The following KCNQ3 variants were observed in gnomAD, a reference collection of about 807,000 sequenced individuals.
The protein encoded by KCNQ3 is potassium voltage-gated channel subfamily Q member 3.
A neutral mutation model predicts 92.5 loss-of-function variants in KCNQ3; 30 were observed. The ratio of observed to expected loss-of-function variants is 0.32; its 90% confidence interval spans 0.24 to 0.44. The LOEUF (loss-of-function observed/expected upper bound fraction) is 0.44, where lower values mean the gene tolerates loss of function less well. Ranked by LOEUF, KCNQ3 falls within the 20% of genes least tolerant of loss-of-function variation. The probability of loss-of-function intolerance (pLI) is 1.00; values close to 1 mark genes in which losing one functional copy is unlikely to be tolerated. For missense variants in KCNQ3, 913 were observed against 1,140.3 expected, an observed-to-expected ratio of 0.80 and a Z score of 2.87; for synonymous variants, 450 against 468.8, an observed-to-expected ratio of 0.96 and a Z score of 0.52.
chr8:132,413,436 T>C (rs1457546475), intron 1 of KCNQ3, among the ~76,000 whole-genome samples: 1 of 152,218 alleles, frequency 6.6e-6, no homozygotes, highest in Non-Finnish European at 1.5e-5. Context: ...TAAGTCGCCT[T>C]TCAGTCAGCA....
intron 1 of KCNQ3, among the ~76,000 whole-genome samples, chr8:132,221,864 C>T (rs1033038921): frequency 7.9e-5 from 12 of 152,006 alleles, no homozygotes; most frequent in East Asian, 1.9e-4. Flanking sequence ...GCTAGCCATA[C>T]GTAGAAAACT....
At chr8:132,258,540 T>C (rs1815667187) in intron 1 of KCNQ3, among the ~76,000 whole-genome samples, 1 of 151,962 alleles carries the variant, frequency 6.6e-6, no homozygotes, top group Non-Finnish European at 1.5e-5. Flanking sequence ...CAGTTGTAAA[T>C]GTCTATATTC....
chr8:132,314,020 C>G (rs895896360), intron 1 of KCNQ3, among the ~76,000 whole-genome samples: 5 of 152,102 alleles, frequency 3.3e-5, no homozygotes, highest in African/African-American at 1.2e-4. Context: ...ATAGTAAGCA[C>G]AGAGTCAGGT....
chr8:132,408,147 G>A (rs746316047), intron 1 of KCNQ3, among the ~76,000 whole-genome samples: 4 of 151,010 alleles, frequency 2.6e-5, no homozygotes, highest in Non-Finnish European at 4.4e-5. Flanking sequence ...TATAAATGTC[G>A]GGTAACATCG....
At chr8:132,447,069 C>T (rs907032575) in intron 1 of KCNQ3, 1 of 754,622 alleles carries the variant, frequency 1.3e-6, no homozygotes, top group Non-Finnish European at 2.2e-6. Context: ...TCTGGGAACC[C>T]AGGGTGAGTC....
intron 1 of KCNQ3, among the ~76,000 whole-genome samples, chr8:132,370,907 T>A (rs1373851355): frequency 6.6e-6 from 1 of 152,036 alleles, no homozygotes; most frequent in African/African-American, 2.4e-5. Flanking sequence ...ATTTTACAGA[T>A]CAGGAAACTG....
intron 9 of KCNQ3, among the ~76,000 whole-genome samples, chr8:132,147,957 C>T (rs1825504667): frequency 6.6e-6 from 1 of 152,164 alleles, no homozygotes; most frequent in Non-Finnish European, 1.5e-5. Flanking sequence ...CTTCCTAACA[C>T]ATGGTCTATC....
At chr8:132,344,962 G>C (rs1265541540) in intron 1 of KCNQ3, among the ~76,000 whole-genome samples, 1 of 152,152 alleles carries the variant, frequency 6.6e-6, no homozygotes, top group Non-Finnish European at 1.5e-5. Flanking sequence ...AGCTGAGATA[G>C]AGTGACCAGT....
At chr8:132,216,276 C>T (rs1168979371) in intron 1 of KCNQ3, among the ~76,000 whole-genome samples, 1 of 152,182 alleles carries the variant, frequency 6.6e-6, no homozygotes, top group Non-Finnish European at 1.5e-5. Flanking sequence ...CAAACCTCAG[C>T]GAAATGTGCT....
intron 1 of KCNQ3, among the ~76,000 whole-genome samples, chr8:132,426,636 A>G (rs1337215696): frequency 1.3e-5 from 2 of 152,324 alleles, no homozygotes; most frequent in South Asian, 4.1e-4. Flanking sequence ...TCCCTCACCA[A>G]TGGAATGATT....
intron 1 of KCNQ3, among the ~76,000 whole-genome samples, chr8:132,203,700 TTG>T (rs1827531988): frequency 1.3e-5 from 2 of 152,208 alleles, no homozygotes. Context: ...CTCCAATCCC[TTG>T]TGTTTATTAT....
chr8:132,290,823 C>T (rs1816815991), intron 1 of KCNQ3, among the ~76,000 whole-genome samples: 1 of 152,160 alleles, frequency 6.6e-6, no homozygotes, highest in African/African-American at 2.4e-5. Flanking sequence ...AGCAGACACA[C>T]TACTGTGAGA....
intron 1 of KCNQ3, among the ~76,000 whole-genome samples, chr8:132,331,427 C>G (rs1043545412): frequency 1.3e-5 from 2 of 152,158 alleles, no homozygotes; most frequent in Admixed American, 6.5e-5. Flanking sequence ...TCAGGGGTGC[C>G]CTCATATGGC....
chr8:132,233,752 A>G (rs930962645), intron 1 of KCNQ3, among the ~76,000 whole-genome samples: 1 of 152,242 alleles, frequency 6.6e-6, no homozygotes, highest in Admixed American at 6.5e-5. Context: ...CAGTTAGAGG[A>G]CATAGAAAAA....
intron 1 of KCNQ3, among the ~76,000 whole-genome samples, chr8:132,378,727 T>C (rs1351402590): frequency 1.3e-5 from 2 of 152,232 alleles, no homozygotes; most frequent in Non-Finnish European, 2.9e-5. Context: ...GTCTCACTCG[T>C]TCCATTCTTA....
At chr8:132,399,080 T>C (rs2130781573) in intron 1 of KCNQ3, among the ~76,000 whole-genome samples, 1 of 152,308 alleles carries the variant, frequency 6.6e-6, no homozygotes, top group South Asian at 2.1e-4. Flanking sequence ...CTCCAGACCT[T>C]CATCCCAGAA....
intron 1 of KCNQ3, among the ~76,000 whole-genome samples, chr8:132,420,870 CG>C (rs1820947493): frequency 6.6e-6 from 1 of 152,050 alleles, no homozygotes; most frequent in Admixed American, 6.6e-5. Flanking sequence ...TCCTCGACCT[CG>C]GTCACTCCAG....
intron 11 of KCNQ3, among the ~76,000 whole-genome samples, chr8:132,139,677 A>C (rs1825221000): frequency 6.6e-6 from 1 of 152,240 alleles, no homozygotes; most frequent in Admixed American, 6.5e-5. Context: ...CGAACTAATT[A>C]AAACAAACTA....
At chr8:132,184,936 G>T (rs764539600) in intron 2 of KCNQ3, among the ~76,000 whole-genome samples, 7 of 152,192 alleles carry the variant, frequency 4.6e-5, no homozygotes, top group Non-Finnish European at 1.0e-4. Flanking sequence ...GGGATCTCAG[G>T]CTCAAGTAAC....
Sources: allele counts gnomAD v4.1 joint callset (sites outside exome capture counted in the v4.1 genomes callset), GRCh38; gene constraint gnomAD v4.1.1; transcripts MANE v1.5; gene names NCBI Gene and HGNC (gene_info 2026-07-23, HGNC 2026-07-21).